SLC24A2: variants seen among roughly 807,000 people sequenced by gnomAD.
SLC24A2 encodes solute carrier family 24 member 2, also known as sodium/potassium/calcium exchanger 2.
Under a neutral mutation model 62.0 loss-of-function variants are expected in SLC24A2, and 36 were observed. The observed-to-expected ratio is 0.58, with a 90% CI of 0.44 to 0.77. SLC24A2 has a LOEUF of 0.77. Among genes scored for constraint, SLC24A2 ranks in the 30% least tolerant of loss-of-function variants. The pLI is 0.00. For synonymous variants in SLC24A2, 358 were observed against 294.0 expected (o/e 1.22, Z -2.23); for missense variants, 846 against 817.9 (o/e 1.03, Z -0.42).
chr9:19,717,618 A>G (rs963249348), intron 2 of SLC24A2, among the ~76,000 whole-genome samples: 1 of 152,232 alleles, frequency 6.6e-6, no homozygotes, highest in African/African-American at 2.4e-5. Flanking sequence ...AGCCATCTAC[A>G]TTCTAATGTT....
At chr9:19,616,549 T>C (rs1452427142) in intron 4 of SLC24A2, among the ~76,000 whole-genome samples, 1 of 152,196 alleles carries the variant, frequency 6.6e-6, no homozygotes. Context: ...TTGGAGTAGA[T>C]AAAATTGTTC....
chr9:19,758,929 C>T (rs1822228233), intron 2 of SLC24A2, among the ~76,000 whole-genome samples: 1 of 152,070 alleles, frequency 6.6e-6, no homozygotes, highest in Admixed American at 6.6e-5. Context: ...TACCCCATAC[C>T]GCAATGCACC....
chr9:20,068,493 C>T, the SLC24A2 span, among the ~76,000 whole-genome samples: 1 of 152,120 alleles, frequency 6.6e-6, no homozygotes, highest in Admixed American at 6.5e-5. Flanking sequence ...TTACCCAATC[C>T]TAATCAAGCC....
intron 2 of SLC24A2, among the ~76,000 whole-genome samples, chr9:19,780,838 T>TCTCCA (rs1392304568): frequency 2.2e-4 from 28 of 125,850 alleles, no homozygotes; most frequent in African/African-American, 8.2e-4. Flanking sequence ...GCGCCACCGC[T>TCTCCA]CTCCAGCCTG....
chr9:20,171,406 TA>T, the SLC24A2 span, among the ~76,000 whole-genome samples: 2 of 152,026 alleles, frequency 1.3e-5, no homozygotes, highest in African/African-American at 2.4e-5. Context: ...ATGCTCCACT[TA>T]AAAGGTACAG....
chr9:20,079,538 T>A, the SLC24A2 span, among the ~76,000 whole-genome samples: 1 of 152,198 alleles, frequency 6.6e-6, no homozygotes, highest in South Asian at 2.1e-4. Flanking sequence ...GCCACAAAAA[T>A]ATTAACTCCT....
chr9:19,954,645 C>T, the SLC24A2 span, among the ~76,000 whole-genome samples: 1 of 151,854 alleles, frequency 6.6e-6, no homozygotes. Context: ...TCTAAGAATA[C>T]TGAAACATTT....
chr9:19,513,186 A>ATATG lies in SLC24A2; in HGVS notation c.*2966_*2967insCATA, dbSNP rs1249987093. Reference sequence around the variant, plus strand: ...TATATATATATATATGTATATATATATATATGTATATATTTATATATGTAT... The same window carrying ATATG: ...TATATATATATATATGTATATATATATATGTATATGTATATATTTATATATGTAT... On this transcript the variant is annotated 3_prime_UTR_variant, in exon 11 of 11. Transcript: ENST00000341998. 7.3e-6 allele frequency: 1 copy of ATATG among 137,198 alleles called. No homozygotes were observed. Among genetic ancestry groups the ATATG allele is most frequent in the Non-Finnish European group, 1.6e-5 (1 of 63,858 alleles). 8.5% of individuals were successfully genotyped at this position (137,198 alleles called of 1,614,324 possible). A position where few individuals can be genotyped will look rare whatever the true frequency, so the allele number is the denominator to read the frequency against.
At chr9:20,219,819 G>C in the SLC24A2 span, among the ~76,000 whole-genome samples, 1 of 152,102 alleles carries the variant, frequency 6.6e-6, no homozygotes, top group East Asian at 1.9e-4. Context: ...TGTGATATTT[G>C]TTTGTCAATA....
the SLC24A2 span, among the ~76,000 whole-genome samples, chr9:20,262,958 G>T: frequency 2.6e-5 from 4 of 152,134 alleles, no homozygotes; most frequent in Non-Finnish European, 5.9e-5. Context: ...TGGCAGAGCG[G>T]CACTTGGTAA....
At chr9:19,517,908 AAAAC>A (rs1833004436) in intron 10 of SLC24A2, among the ~76,000 whole-genome samples, 1 of 92,586 alleles carries the variant, frequency 1.1e-5, no homozygotes, top group Non-Finnish European at 2.1e-5. Flanking sequence ...TATTCTTATT[AAAAC>A]ACACACACAC....
chr9:19,835,575 G>A, the SLC24A2 span, among the ~76,000 whole-genome samples: 4 of 152,234 alleles, frequency 2.6e-5, no homozygotes, highest in South Asian at 8.3e-4. Flanking sequence ...GATTCATAAA[G>A]CAAGTCCTTA....
chr9:19,530,937 C>T (rs973187134), intron 8 of SLC24A2, among the ~76,000 whole-genome samples: 4 of 152,174 alleles, frequency 2.6e-5, no homozygotes, highest in Admixed American at 2.0e-4. Context: ...CTAGATTATA[C>T]TGACTCTTTC....
At chr9:19,908,164 C>T in the SLC24A2 span, among the ~76,000 whole-genome samples, 1 of 152,070 alleles carries the variant, frequency 6.6e-6, no homozygotes. Flanking sequence ...AGAACAGAGC[C>T]CTCAGAAACA....
the SLC24A2 span, among the ~76,000 whole-genome samples, chr9:20,089,724 T>TATCCCTGC: frequency 1.4e-5 from 2 of 145,442 alleles, no homozygotes; most frequent in Non-Finnish European, 3.0e-5. Flanking sequence ...GTAGCAGTTC[T>TATCCCTGC]ATCCCTGCTA....
chr9:19,636,320 TTTCTTTC>T (rs1313127945), intron 2 of SLC24A2, among the ~76,000 whole-genome samples: 4 of 21,344 alleles, frequency 1.9e-4, no homozygotes, highest in Admixed American at 9.5e-4. Context: ...TTTTCTTTTC[TTTCTTTC>T]TTTCTTTCTT....
In SLC24A2 at chr9:19,703,787, G is replaced by C. The variant is rs545341379; in HGVS notation, c.931-81488C>G. 4.7e-4 allele frequency among the ~76,000 whole-genome samples: 72 copies of C among 152,178 alleles called. 1 individual carries two copies. In the South Asian group the frequency reaches 0.014, roughly 29 times the overall value. On this transcript the variant is annotated intron_variant, in intron 2 of 10. Transcript: ENST00000341998. ...GCACATATATGACAGGAAGTACTAT[G>C]GCTACATTTTATAGTCTTATGTGCT... is the stretch of plus-strand genomic sequence containing the variant.
At chr9:19,912,814 C>A in the SLC24A2 span, among the ~76,000 whole-genome samples, 24 of 152,150 alleles carry the variant, frequency 1.6e-4, 1 homozygote, top group East Asian at 3.3e-3. Context: ...TCAATCCAAC[C>A]CTTATTTCTC....
the SLC24A2 span, among the ~76,000 whole-genome samples, chr9:20,303,342 G>C: frequency 1.3e-5 from 2 of 152,262 alleles, no homozygotes; most frequent in East Asian, 3.9e-4. Flanking sequence ...ACATGGTTGA[G>C]AGCAAGGATT....
Sources: allele counts gnomAD v4.1 joint callset (sites outside exome capture counted in the v4.1 genomes callset), GRCh38; gene constraint gnomAD v4.1.1; transcripts MANE v1.5; gene names NCBI Gene and HGNC (gene_info 2026-07-23, HGNC 2026-07-21).